Variants in ADCY2 observed in about 807,000 individuals in gnomAD.
ADCY2 encodes adenylate cyclase 2.
Under a neutral mutation model 125.2 loss-of-function variants are expected in ADCY2, and 31 were observed. The ratio of observed to expected loss-of-function variants is 0.25; its 90% confidence interval spans 0.19 to 0.33. ADCY2 has a LOEUF of 0.33. ADCY2 is among the 10% of genes least tolerant of loss of function. ADCY2 has a pLI of 1.00. For missense variants in ADCY2, 904 were observed against 1,418.2 expected, an observed-to-expected ratio of 0.64 and a Z score of 5.82; for synonymous variants, 512 against 548.4, an observed-to-expected ratio of 0.93 and a Z score of 0.93.
intron 14 of ADCY2, among the ~76,000 whole-genome samples, chr5:7,742,466 AGTCATGTCTAGGACATGACT>A: frequency 6.6e-6 from 1 of 152,282 alleles, no homozygotes; most frequent in South Asian, 2.1e-4. Flanking sequence ...AAGCATTGTG[AGTCATGTCTAGGACATGACT>A]CAGTGCCCGA....
At chr5:7,795,778 G>A (rs1172743251) in intron 20 of ADCY2, 1 of 152,134 alleles carries the variant, frequency 6.6e-6, no homozygotes, top group Non-Finnish European at 1.5e-5. Context: ...ACTATCAAGC[G>A]AGTCACAAAT....
At chr5:7,573,510 A>C (rs899439964) in intron 3 of ADCY2, among the ~76,000 whole-genome samples, 1 of 151,828 alleles carries the variant, frequency 6.6e-6, no homozygotes, top group African/African-American at 2.4e-5. Context: ...ATTTATATAC[A>C]TTAAAATTAT....
chr5:7,468,771 T>G (rs1317852741), intron 2 of ADCY2, among the ~76,000 whole-genome samples: 1 of 152,158 alleles, frequency 6.6e-6, no homozygotes, highest in Non-Finnish European at 1.5e-5. Context: ...TCTATTACTT[T>G]GTGACTTCAG....
intron 7 of ADCY2, among the ~76,000 whole-genome samples, chr5:7,700,090 G>A (rs1211714973): frequency 6.6e-6 from 1 of 152,318 alleles, no homozygotes; most frequent in Admixed American, 6.5e-5. Context: ...GGAAGAGGTA[G>A]TTATTACAAC....
intron 18 of ADCY2, among the ~76,000 whole-genome samples, chr5:7,778,527 A>T (rs576036801): frequency 7.2e-5 from 11 of 152,354 alleles, no homozygotes; most frequent in African/African-American, 2.4e-4. Context: ...GCTTAGCCTC[A>T]TCCAGAAGCT....
chr5:7,541,950 A>G (rs905693777), intron 3 of ADCY2, among the ~76,000 whole-genome samples: 8 of 152,382 alleles, frequency 5.2e-5, no homozygotes, highest in African/African-American at 1.9e-4. Context: ...TGAGTGGGTT[A>G]ACATTCACTC....
chr5:7,535,366 A>G (rs370432436), intron 3 of ADCY2, among the ~76,000 whole-genome samples: 1 of 152,364 alleles, frequency 6.6e-6, no homozygotes, highest in East Asian at 1.9e-4. Flanking sequence ...AAATGGATGC[A>G]TGATTGACTA....
intron 16 of ADCY2, among the ~76,000 whole-genome samples, 171 bp from the exon 17 acceptor site, chr5:7,766,512 TTGAA>T (rs1215090535): frequency 6.6e-6 from 1 of 152,208 alleles, no homozygotes; most frequent in Non-Finnish European, 1.5e-5. Context: ...GAATTCTCTA[TTGAA>T]TGTATAGAAC....
chr5:7,566,451 G>A (rs1735896651), intron 3 of ADCY2, among the ~76,000 whole-genome samples: 3 of 152,078 alleles, frequency 2.0e-5, no homozygotes. Flanking sequence ...AGATACGATC[G>A]AGCCACTGGA....
At chr5:7,504,615 TTC>T (rs1743732446) in intron 2 of ADCY2, among the ~76,000 whole-genome samples, 1 of 151,380 alleles carries the variant, frequency 6.6e-6, no homozygotes, top group Non-Finnish European at 1.5e-5. Flanking sequence ...TCTTTTTTCT[TTC>T]TTTTTTTTTT....
chr5:7,753,646 T>G (rs371485565), intron 15 of ADCY2, among the ~76,000 whole-genome samples: 106 of 152,322 alleles, frequency 7.0e-4, no homozygotes, highest in African/African-American at 2.5e-3. Context: ...CAAGTTGTAA[T>G]TTTTCTACAG....
At chr5:7,460,993 T>A (rs1329254849) in intron 2 of ADCY2, among the ~76,000 whole-genome samples, 2 of 152,208 alleles carry the variant, frequency 1.3e-5, no homozygotes, top group Admixed American at 1.3e-4. Flanking sequence ...CTCACATCAC[T>A]CAAGTCCAGA....
chr5:7,649,902 G>A (rs969214736), intron 4 of ADCY2, among the ~76,000 whole-genome samples: 7 of 151,948 alleles, frequency 4.6e-5, no homozygotes, highest in Non-Finnish European at 1.0e-4. Context: ...ACTCTAGGAG[G>A]AGCCATACTG....
At chr5:7,565,179 C>T (rs1735852573) in intron 3 of ADCY2, among the ~76,000 whole-genome samples, 1 of 152,220 alleles carries the variant, frequency 6.6e-6, no homozygotes, top group Non-Finnish European at 1.5e-5. Flanking sequence ...CTCCTTTCTC[C>T]TTGCTGGGCT....
rs773276386 is a variant in ADCY2 at position 7,396,546 on chromosome 5, C to G, written c.210+40C>G. ...CGCGGGTCCAGCGCCGCGCCTTCCC[C>G]GGCCCTGAGAGGAGCCCGGCCAGCC... On this transcript the variant is annotated intron_variant, in intron 1 of 24. Transcript: ENST00000338316. The surrounding 1 kb of genome is among the most constrained non-coding windows in gnomAD (Gnocchi z 5.7). The G allele has an allele frequency of 6.6e-7, 1 of 1,523,888 alleles. No individual in the cohort carries two copies. Among genetic ancestry groups the G allele is most frequent in the Non-Finnish European group, 8.8e-7 (1 of 1,137,374 alleles). 94.4% of individuals were successfully genotyped at this position (1,523,888 alleles called of 1,614,324 possible).
intron 2 of ADCY2, among the ~76,000 whole-genome samples, chr5:7,425,296 G>A (rs1414491667): frequency 6.6e-6 from 1 of 152,206 alleles, no homozygotes; most frequent in African/African-American, 2.4e-5. Context: ...TTCAATGGAG[G>A]TGTTTTTGAT....
At chr5:7,814,934 C>A (rs1168174316) in intron 22 of ADCY2, among the ~76,000 whole-genome samples, 1 of 152,114 alleles carries the variant, frequency 6.6e-6, no homozygotes, top group Non-Finnish European at 1.5e-5. Context: ...TCCAGCGTGC[C>A]TTGCTGGTTC....
chr5:7,803,994 A>G (rs572376756), intron 21 of ADCY2, among the ~76,000 whole-genome samples: 2 of 145,566 alleles, frequency 1.4e-5, no homozygotes, highest in Admixed American at 7.0e-5. Context: ...TCTGTCCTGC[A>G]AACAGCAGAC....
At chr5:7,410,744 C>T (rs1739675824) in intron 1 of ADCY2, among the ~76,000 whole-genome samples, 1 of 151,242 alleles carries the variant, frequency 6.6e-6, no homozygotes, top group African/African-American at 2.4e-5. Flanking sequence ...TATTTTTTTC[C>T]ACAAAGGGAG....
Sources: allele counts gnomAD v4.1 joint callset (sites outside exome capture counted in the v4.1 genomes callset), GRCh38; gene constraint gnomAD v4.1.1; non-coding constraint Gnocchi (gnomAD v3.1); transcripts MANE v1.5; gene names NCBI Gene and HGNC (gene_info 2026-07-23, HGNC 2026-07-21).